LCORL: variants seen among roughly 807,000 people sequenced by gnomAD.
The protein encoded by LCORL is ligand-dependent nuclear receptor corepressor-like protein.
Under a neutral mutation model 141.8 loss-of-function variants are expected in LCORL, and 41 were observed. The ratio of observed to expected loss-of-function variants is 0.29; its 90% confidence interval spans 0.23 to 0.38. The LOEUF is 0.38. Ranked by LOEUF, LCORL falls within the 10% of genes least tolerant of loss-of-function variation. The pLI is 1.00. For synonymous variants in LCORL, 618 were observed against 694.1 expected (o/e 0.89, Z 1.72); for missense variants, 1,759 against 2,035.0 (o/e 0.86, Z 2.61).
chr4:17,894,893 C>T (rs925842355), intron 5 of LCORL, among the ~76,000 whole-genome samples: 3 of 151,994 alleles, frequency 2.0e-5, no homozygotes, highest in African/African-American at 7.2e-5. Context: ...TGACATATCA[C>T]GAGGTACATA....
chr4:17,866,478 T>C (rs1725671660), intron 7 of LCORL, among the ~76,000 whole-genome samples: 1 of 152,156 alleles, frequency 6.6e-6, no homozygotes, highest in Non-Finnish European at 1.5e-5. Flanking sequence ...AGACAAACAC[T>C]TTTGAATAAA....
intron 1 of LCORL, among the ~76,000 whole-genome samples, chr4:18,004,432 T>G (rs909966178): frequency 6.6e-6 from 1 of 152,078 alleles, no homozygotes; most frequent in Non-Finnish European, 1.5e-5. Flanking sequence ...AAGAGAAAAG[T>G]GCTTGTGCAG....
chr4:17,919,875 A>G (rs1734024286), intron 4 of LCORL, among the ~76,000 whole-genome samples: 1 of 152,184 alleles, frequency 6.6e-6, no homozygotes, highest in African/African-American at 2.4e-5. Context: ...TATACTCTGG[A>G]AGACAGAATG....
At chr4:18,013,894 G>A (rs1457719369) in intron 1 of LCORL, among the ~76,000 whole-genome samples, 1 of 151,206 alleles carries the variant, frequency 6.6e-6, no homozygotes, top group Non-Finnish European at 1.5e-5. Flanking sequence ...TGCAACCTCC[G>A]CCTCCCGGGT....
chr4:18,017,075 A>G (rs1451139286), intron 1 of LCORL, among the ~76,000 whole-genome samples: 1 of 152,158 alleles, frequency 6.6e-6, no homozygotes, highest in Non-Finnish European at 1.5e-5. Flanking sequence ...TTTTGCAGAA[A>G]TAACACTGGA....
intron 5 of LCORL, among the ~76,000 whole-genome samples, chr4:17,899,402 G>C (rs1730528965): frequency 6.6e-6 from 1 of 152,142 alleles, no homozygotes; most frequent in Non-Finnish European, 1.5e-5. Flanking sequence ...GAGTAACCCA[G>C]GCAAAGGGAT....
At position 18,021,850 on chromosome 4, in the gene LCORL, G is replaced by T. The variant is rs1395202879; in HGVS notation, c.-99C>A. 1 of 1,335,978 alleles carries T rather than the reference G, an allele frequency of 7.5e-7. No individual in the cohort carries two copies. The highest frequency in any genetic ancestry group is 9.7e-7 in the Non-Finnish European group (1 of 1,029,202). The allele number at this position is 1,335,978 out of a possible 1,614,324, so 82.8% of individuals were successfully genotyped here. On this transcript the variant is annotated 5_prime_UTR_variant, in exon 1 of 8. Coordinates refer to ENST00000635767, the Ensembl canonical transcript of LCORL. This position sits in a 1 kb window ranked among gnomAD's most constrained non-coding sequence, Gnocchi z 5.5. ...GCGAGCCCCGGAGCGCGCGCCCCCC[G>T]GAGGGGGGTTGATTGACACGTGTCA...
intron 4 of LCORL, among the ~76,000 whole-genome samples, chr4:17,937,708 C>CAGTT (rs1237004910): frequency 6.6e-6 from 1 of 151,886 alleles, no homozygotes; most frequent in Non-Finnish European, 1.5e-5. Context: ...CTAAGAGGTA[C>CAGTT]AGTTAAGCCA....
intron 7 of LCORL, among the ~76,000 whole-genome samples, chr4:17,859,352 T>C (rs1352917942): frequency 1.3e-5 from 2 of 152,172 alleles, no homozygotes; most frequent in Non-Finnish European, 2.9e-5. Flanking sequence ...AGCCCCATCA[T>C]AAGTTGAGGA....
chr4:17,972,161 T>G (rs898474242), intron 2 of LCORL, among the ~76,000 whole-genome samples: 1 of 151,860 alleles, frequency 6.6e-6, no homozygotes, highest in African/African-American at 2.4e-5. Flanking sequence ...CTAAAGTGAC[T>G]GCCAAACTCA....
intron 1 of LCORL, among the ~76,000 whole-genome samples, chr4:18,012,090 TG>T (rs1560483332): frequency 1.3e-5 from 2 of 152,364 alleles, no homozygotes; most frequent in South Asian, 4.1e-4. Context: ...TTCACATTCT[TG>T]GGGGAAGTAC....
chr4:17,855,220 G>A (rs777209983), intron 7 of LCORL, among the ~76,000 whole-genome samples: 7 of 151,802 alleles, frequency 4.6e-5, no homozygotes, highest in Non-Finnish European at 1.0e-4. Flanking sequence ...AATGACCCTT[G>A]GCCATGTAAG....
chr4:17,969,984 T>C (rs879411072), intron 2 of LCORL, among the ~76,000 whole-genome samples: 1 of 152,176 alleles, frequency 6.6e-6, no homozygotes, highest in Non-Finnish European at 1.5e-5. Context: ...ATCTTTCGTA[T>C]GTACTTTCAG....
chr4:17,942,715 C>G (rs1267993990), intron 4 of LCORL, among the ~76,000 whole-genome samples: 1 of 152,124 alleles, frequency 6.6e-6, no homozygotes, highest in African/African-American at 2.4e-5. Context: ...TTTCTGCTCT[C>G]TAGGAGTTAA....
chr4:17,841,822 G>T, exon 8 of LCORL: 1 of 153,206 alleles, frequency 6.5e-6, no homozygotes, highest in South Asian at 2.0e-4. Context: ...ATTTGAATTG[G>T]TCATGTATGT....
At chr4:17,932,698 T>C (rs914059979) in intron 4 of LCORL, among the ~76,000 whole-genome samples, 40 of 152,190 alleles carry the variant, frequency 2.6e-4, no homozygotes, top group African/African-American at 9.6e-4. Flanking sequence ...GATAAAGTTT[T>C]ATTGAAACAC....
At chr4:17,910,110 A>C (rs1469071828) in intron 4 of LCORL, among the ~76,000 whole-genome samples, 1 of 152,210 alleles carries the variant, frequency 6.6e-6, no homozygotes, top group Non-Finnish European at 1.5e-5. Flanking sequence ...CATTTTGATC[A>C]AGTACAACTA....
chr4:17,963,753 G>A (rs1423348303), intron 2 of LCORL, among the ~76,000 whole-genome samples: 1 of 151,602 alleles, frequency 6.6e-6, no homozygotes, highest in African/African-American at 2.4e-5. Context: ...TAATAATATT[G>A]TCATCCTAAA....
At chr4:17,857,074 G>A (rs1244411214) in intron 7 of LCORL, among the ~76,000 whole-genome samples, 1 of 152,150 alleles carries the variant, frequency 6.6e-6, no homozygotes, top group African/African-American at 2.4e-5. Context: ...TTCTGCTTCT[G>A]GCCATGATGA....
Sources: allele counts gnomAD v4.1 joint callset (sites outside exome capture counted in the v4.1 genomes callset), GRCh38; gene constraint gnomAD v4.1.1; non-coding constraint Gnocchi (gnomAD v3.1); transcripts MANE v1.5; gene names NCBI Gene and HGNC (gene_info 2026-07-23, HGNC 2026-07-21).